Variants in ADAM12 observed in about 807,000 individuals in gnomAD.
ADAM12 encodes the protein ADAM metallopeptidase domain 12, also known as disintegrin and metalloproteinase domain-containing protein 12.
In ADAM12, 70 loss-of-function variants were observed where a neutral mutation model predicts 106.4. That is an observed-to-expected ratio of 0.66 (90% CI 0.54 to 0.80). The LOEUF (loss-of-function observed/expected upper bound fraction) is 0.80. Among genes scored for constraint, ADAM12 ranks in the 30% least tolerant of loss-of-function variants. ADAM12 has a pLI of 0.00. For synonymous variants in ADAM12, 420 were observed against 433.5 expected, an observed-to-expected ratio of 0.97 and a Z score of 0.39; for missense variants, 1,010 against 1,171.9, an observed-to-expected ratio of 0.86 and a Z score of 2.02.
chr10:126,108,062 T>C (rs571683410), intron 8 of ADAM12, among the ~76,000 whole-genome samples: 1 of 152,348 alleles, frequency 6.6e-6, no homozygotes, highest in East Asian at 1.9e-4. Context: ...GTTTCTGACC[T>C]ACTTGTTCTT....
At chr10:126,132,524 ACC>A (rs35812837) in intron 5 of ADAM12, among the ~76,000 whole-genome samples, 9,748 of 120,898 alleles carry the variant, frequency 0.081, 784 homozygotes, top group East Asian at 0.35. Context: ...CTGCATGAAC[ACC>A]CCCCCCCCCT....
intron 3 of ADAM12, among the ~76,000 whole-genome samples, chr10:126,225,367 A>C (rs1565150413): frequency 6.6e-6 from 1 of 152,248 alleles, no homozygotes; most frequent in Non-Finnish European, 1.5e-5. Context: ...GCTCTCTGCA[A>C]AGTTTCCTCG....
chr10:126,267,187 G>A (rs1959113270), intron 3 of ADAM12, among the ~76,000 whole-genome samples: 1 of 152,132 alleles, frequency 6.6e-6, no homozygotes, highest in Non-Finnish European at 1.5e-5. Flanking sequence ...ATTGGGTTTT[G>A]CTGTTGAATC....
intron 2 of ADAM12, among the ~76,000 whole-genome samples, chr10:126,289,316 A>G (rs1288704660): frequency 6.6e-6 from 1 of 152,216 alleles, no homozygotes; most frequent in African/African-American, 2.4e-5. Flanking sequence ...GCTGAGGACC[A>G]TCAGATGCCA....
chr10:126,250,379 G>A (rs944837977), intron 3 of ADAM12, among the ~76,000 whole-genome samples: 1 of 152,172 alleles, frequency 6.6e-6, no homozygotes, highest in Non-Finnish European at 1.5e-5. Flanking sequence ...TTATTGGGAG[G>A]GAAGGAGTGT....
At chr10:126,111,757 A>G (rs1356394946) in intron 6 of ADAM12, among the ~76,000 whole-genome samples, 1 of 152,232 alleles carries the variant, frequency 6.6e-6, no homozygotes, top group East Asian at 1.9e-4. Context: ...AGAGAACTGC[A>G]AGCTCAGAGG....
At chr10:126,101,971 C>G (rs748964954) in intron 8 of ADAM12, among the ~76,000 whole-genome samples, 13 of 152,144 alleles carry the variant, frequency 8.5e-5, no homozygotes, top group Non-Finnish European at 1.8e-4. Context: ...GAAAGCAAGA[C>G]TTCTCACTCC....
chr10:126,165,173 C>A (rs1957001974), intron 3 of ADAM12, among the ~76,000 whole-genome samples: 1 of 151,948 alleles, frequency 6.6e-6, no homozygotes, highest in Admixed American at 6.6e-5. Context: ...TTGGGGCATT[C>A]ACTTTTTTTT....
Position 126,237,071 on chromosome 10 carries a change from C to T in ADAM12, c.260+41844G>A, listed in dbSNP as rs556661244. 7.1e-4 allele frequency among the ~76,000 whole-genome samples: 108 copies of T among 152,350 alleles called. 1 individual carries two copies. Among genetic ancestry groups the T allele is most frequent in the African/African-American group, 2.5e-3 (104 of 41,588 alleles). On this transcript the variant is annotated intron_variant, in intron 3 of 22. Coordinates refer to ENST00000448723, the MANE Select transcript of ADAM12 (RefSeq NM_001288973.2). The stretch of plus-strand genomic sequence containing the variant: ...CCAGCCTCGCCCACAACCCCTCCCC[C>T]CATTTCCCCAGATGCGTCTACGTTA...
intron 3 of ADAM12, among the ~76,000 whole-genome samples, chr10:126,214,107 A>C (rs1478911493): frequency 6.6e-6 from 1 of 152,276 alleles, no homozygotes; most frequent in Admixed American, 6.5e-5. Context: ...GAAGCTGGTT[A>C]GATGAATGAG....
chr10:126,352,252 A>C (rs189014730), intron 1 of ADAM12, among the ~76,000 whole-genome samples: 1 of 152,342 alleles, frequency 6.6e-6, no homozygotes, highest in East Asian at 1.9e-4. Context: ...TCTTGGGCTC[A>C]GGGACACCAA....
At chr10:126,127,382 A>T (rs11244820) in intron 5 of ADAM12, among the ~76,000 whole-genome samples, 8,977 of 152,310 alleles carry the variant, frequency 0.059, 603 homozygotes, top group East Asian at 0.15. Context: ...AATAGTTTTT[A>T]AAAAGTGGAT....
At chr10:126,342,316 T>G (rs763906381) in intron 1 of ADAM12, among the ~76,000 whole-genome samples, 4 of 152,238 alleles carry the variant, frequency 2.6e-5, no homozygotes, top group Non-Finnish European at 5.9e-5. Flanking sequence ...ACTTTGGCCA[T>G]TGAATTTGGA....
At chr10:126,190,551 G>A (rs1044553666) in intron 3 of ADAM12, among the ~76,000 whole-genome samples, 1 of 152,088 alleles carries the variant, frequency 6.6e-6, no homozygotes, top group African/African-American at 2.4e-5. Flanking sequence ...TGTGCTGGAG[G>A]CTGGGAATTT....
In ADAM12 at chr10:126,215,626, C is replaced by T. The variant is rs373180334; in HGVS notation, c.261-60321G>A. Among the ~76,000 whole-genome samples, 191 of 152,206 alleles carry T rather than the reference C, an allele frequency of 1.3e-3. 4 individuals carry two copies. The South Asian group carries it at 0.038, about 30-fold the overall frequency. Reference sequence around the variant, plus strand: ...AGGCCAGGAGGAAACTGGAAAGGTGCAGGAGAAGAGAGCAGGCACATCCAT... The same window carrying T: ...AGGCCAGGAGGAAACTGGAAAGGTGTAGGAGAAGAGAGCAGGCACATCCAT... On this transcript the variant is annotated intron_variant, in intron 3 of 22. Coordinates refer to ENST00000448723, the MANE Select transcript of ADAM12 (RefSeq NM_001288973.2).
rs200293151 is a variant in ADAM12, at chr10:126,193,904, G to A, written c.261-38599C>T. Among the ~76,000 whole-genome samples the A allele has an allele frequency of 5.4e-3, 783 of 145,164 alleles. 5 individuals are homozygous for A. Among genetic ancestry groups the A allele is most frequent in the African/African-American group, 0.019 (747 of 38,560 alleles). ...GAGACTCTGTCTCATGAAATAAAAT[G>A]AAATAAAATAAAATAAAATAAAATA... On this transcript the variant is annotated intron_variant, in intron 3 of 22. Coordinates refer to ENST00000448723, the MANE Select transcript of ADAM12 (RefSeq NM_001288973.2).
At chr10:126,089,852 A>G (rs1423090220) in intron 11 of ADAM12, among the ~76,000 whole-genome samples, 3 of 149,074 alleles carry the variant, frequency 2.0e-5, no homozygotes, top group Non-Finnish European at 4.5e-5. Flanking sequence ...CCTCCCCCAA[A>G]CCCCCACTTA....
intron 14 of ADAM12, among the ~76,000 whole-genome samples, chr10:126,060,970 G>C (rs771089984): frequency 1.6e-4 from 24 of 152,220 alleles, no homozygotes; most frequent in Non-Finnish European, 1.9e-4. Flanking sequence ...TACACACACA[G>C]AACTACCTGC....
intron 2 of ADAM12, among the ~76,000 whole-genome samples, chr10:126,312,381 A>C (rs1467975510): frequency 6.6e-6 from 1 of 152,212 alleles, no homozygotes; most frequent in Non-Finnish European, 1.5e-5. Context: ...CCAGAACAGC[A>C]AGTCCTGAAG....
Sources: gnomAD v4.1 joint callset for allele counts (sites outside exome capture counted in the v4.1 genomes callset) on GRCh38, gnomAD v4.1.1 for gene constraint, MANE v1.5 for transcripts, NCBI Gene and HGNC (gene_info 2026-07-23, HGNC 2026-07-21) for gene names.